ABI3BP: variants seen among roughly 807,000 people sequenced by gnomAD.
ABI3BP encodes the protein ABI family member 3 binding protein, also known as target of Nesh-SH3.
ABI3BP carries 216 observed loss-of-function variants against 268.6 expected under a neutral mutation model. That is an observed-to-expected ratio of 0.80 (90% CI 0.72 to 0.90). ABI3BP has a LOEUF of 0.90. Among genes scored for constraint, ABI3BP ranks in the 40% least tolerant of loss-of-function variants. The pLI is 0.00. For synonymous variants in ABI3BP, 730 were observed against 730.0 expected (o/e 1.00, Z 0.00); for missense variants, 2,090 against 2,182.4 (o/e 0.96, Z 0.84).
Position 100,833,664 on chromosome 3 carries a change from G to C in ABI3BP, c.2282-507C>G, listed in dbSNP as rs529995683. On this transcript the variant is annotated intron_variant, in intron 29 of 67. Coordinates refer to ENST00000471714, the MANE Select transcript of ABI3BP (RefSeq NM_001375547.2). ...AAAGGCATACAAAGAACCAGATATAGAGGGTCATTCAATCCATCAAACTTG... is the reference window on the plus strand; with the variant it reads ...AAAGGCATACAAAGAACCAGATATACAGGGTCATTCAATCCATCAAACTTG... Among the ~76,000 whole-genome samples, 50 of 152,276 alleles carry C rather than the reference G, an allele frequency of 3.3e-4. 1 individual carries two copies. Among genetic ancestry groups the C allele is most frequent in the African/African-American group, 1.2e-3 (49 of 41,572 alleles).
chr3:100,787,405 T>C (rs1577677418), intron 57 of ABI3BP, among the ~76,000 whole-genome samples: 1 of 152,288 alleles, frequency 6.6e-6, no homozygotes, highest in South Asian at 2.1e-4. Flanking sequence ...CTAGTCTGTG[T>C]AGAAAAAGCA....
intron 31 of ABI3BP, 128 bp from the exon 32 acceptor site, chr3:100,830,762 G>A: frequency 1.5e-6 from 1 of 678,206 alleles, no homozygotes; most frequent in Non-Finnish European, 2.4e-6. Flanking sequence ...TAACTCAAAA[G>A]AAAGTGGCTG....
chr3:100,750,618 A>AAT lies in ABI3BP; in HGVS notation c.5246-9_5246-8insAT. ...GAACTGCTCTGAAATAACCTGAGAG[A>AAT]GAAAATAGTTTCATTTTAATAGCTG... is the stretch of plus-strand genomic sequence containing the variant. On this transcript the variant is annotated splice_polypyrimidine_tract_variant and intron_variant, in intron 67 of 67. Coordinates refer to ENST00000471714, the MANE Select transcript of ABI3BP (RefSeq NM_001375547.2). 6.3e-7 allele frequency: 1 copy of AAT among 1,598,210 alleles called. No individual in the cohort carries two copies. Among genetic ancestry groups the AAT allele is most frequent in the East Asian group, 2.2e-5 (1 of 44,678 alleles).
chr3:100,837,403 G>A (rs965213296), intron 26 of ABI3BP: 4 of 431,972 alleles, frequency 9.3e-6, no homozygotes, highest in Non-Finnish European at 1.6e-5. Context: ...TGGATTCTGA[G>A]AACTGTTATA....
chr3:100,755,792 A>G (rs1470707988), intron 63 of ABI3BP, among the ~76,000 whole-genome samples: 5 of 152,228 alleles, frequency 3.3e-5, no homozygotes, highest in Non-Finnish European at 7.3e-5. Context: ...TCAAAAGTCA[A>G]CCTGAGTCAG....
intron 1 of ABI3BP, among the ~76,000 whole-genome samples, chr3:100,971,825 C>G (rs1404301892): frequency 6.6e-6 from 1 of 152,004 alleles, no homozygotes; most frequent in Non-Finnish European, 1.5e-5. Context: ...CCAGCAAAAC[C>G]ACAGCTTTTT....
chr3:100,902,764 A>AGGGAATGCTGAATCAG, intron 2 of ABI3BP, 78 bp from the exon 3 acceptor site: 1 of 1,212,328 alleles, frequency 8.2e-7, no homozygotes. Flanking sequence ...ACCCTGATTC[A>AGGGAATGCTGAATCAG]GCATTCCCTG....
At position 100,804,848 on chromosome 3, in the gene ABI3BP, C is replaced by T. The variant is rs146922324; in HGVS notation, c.3701G>A (p.Arg1234His). The T allele has an allele frequency of 6.6e-5, 107 of 1,612,856 alleles. No individual in the cohort carries two copies. The highest frequency in any genetic ancestry group is 8.1e-5 in the Non-Finnish European group (95 of 1,179,132). The change falls in exon 51 of 68, where the codon CGT (arginine) becomes CAT (histidine). Residue 1234 changes from arginine (R) to histidine (H), a missense_variant. By Grantham distance (29) the Arg-to-His change is conservative (BLOSUM62 0). Coordinates refer to ENST00000471714, the MANE Select transcript of ABI3BP (RefSeq NM_001375547.2). ...TGACGTTTTTGGTTTTGCAGTAACA[C>T]GCTGGGGCACCTTAGGAACTGAAAG... is the stretch of plus-strand genomic sequence containing the variant. Reference protein sequence around the residue: ...QTQPVPKVPQRVTAKPKTSPS... With the variant: ...QTQPVPKVPQHVTAKPKTSPS...
At chr3:100,754,322 T>C (rs2149306223) in intron 64 of ABI3BP, among the ~76,000 whole-genome samples, 1 of 152,348 alleles carries the variant, frequency 6.6e-6, no homozygotes, top group South Asian at 2.1e-4. Context: ...TTTGTGGATG[T>C]ACTCACTGGT....
intron 1 of ABI3BP, among the ~76,000 whole-genome samples, chr3:100,965,641 G>T (rs1489766559): frequency 6.6e-6 from 1 of 152,064 alleles, no homozygotes; most frequent in African/African-American, 2.4e-5. Context: ...TAATCTGGGT[G>T]CTCTGAAGAA....
intron 58 of ABI3BP, 122 bp downstream of exon 58, chr3:100,780,010 T>C (rs1002850835): frequency 1.1e-5 from 9 of 785,416 alleles, no homozygotes; most frequent in Non-Finnish European, 2.0e-5. Flanking sequence ...GCACTGTGTG[T>C]GTGGTTCTGA....
chr3:100,793,189 T>A (rs1452430127), intron 54 of ABI3BP, among the ~76,000 whole-genome samples: 1 of 151,948 alleles, frequency 6.6e-6, no homozygotes, highest in African/African-American at 2.4e-5. Context: ...TATATTTACA[T>A]CACATAAAAC....
intron 2 of ABI3BP, among the ~76,000 whole-genome samples, chr3:100,915,297 G>A (rs2058238466): frequency 6.6e-6 from 1 of 152,266 alleles, no homozygotes; most frequent in East Asian, 1.9e-4. Context: ...ACCTCCAAGG[G>A]ATTGCCATTT....
chr3:100,899,802 CTCTTT>C lies in ABI3BP; in HGVS notation c.329-913_329-909del, dbSNP rs2049363612. Among the ~76,000 whole-genome samples, 4 of 152,260 alleles carry C rather than the reference CTCTTT, an allele frequency of 2.6e-5. No homozygotes were observed. The South Asian group carries it at 6.2e-4, about 24-fold the overall frequency. On this transcript the variant is annotated intron_variant, in intron 3 of 67. Coordinates refer to ENST00000471714, the MANE Select transcript of ABI3BP (RefSeq NM_001375547.2). ...ATACTCTGTATTGCTGTTGAATTCC[CTCTTT>C]TATTTCTTGAGACTATGAATGTTGT...
chr3:100,864,777 A>AGTTTT, intron 11 of ABI3BP, 56 bp downstream of exon 11: 1 of 1,319,388 alleles, frequency 7.6e-7, no homozygotes. Context: ...GAGTCCTGGG[A>AGTTTT]GTTATTTCGT....
chr3:100,943,950 A>T (rs1488519273), intron 1 of ABI3BP, among the ~76,000 whole-genome samples: 2 of 152,142 alleles, frequency 1.3e-5, no homozygotes, highest in Non-Finnish European at 2.9e-5. Flanking sequence ...CCAGGGAAAC[A>T]AAACTATCAA....
intron 35 of ABI3BP, 98 bp downstream of exon 35, chr3:100,825,687 A>G: frequency 1.1e-6 from 1 of 920,908 alleles, no homozygotes; most frequent in Non-Finnish European, 1.7e-6. Context: ...TATTTTGTAG[A>G]GGAAGACATG....
intron 26 of ABI3BP, 77 bp downstream of exon 26, chr3:100,838,133 A>G: frequency 7.1e-7 from 1 of 1,403,062 alleles, no homozygotes; most frequent in Middle Eastern, 1.8e-4. Context: ...TTTATATGAT[A>G]TGACAGATTG....
chr3:100,950,234 T>C (rs2074355096), intron 1 of ABI3BP, among the ~76,000 whole-genome samples: 1 of 152,244 alleles, frequency 6.6e-6, no homozygotes, highest in East Asian at 1.9e-4. Flanking sequence ...AGAGAAAGGA[T>C]ATTCAATTAA....
Sources: gnomAD v4.1 joint callset for allele counts (sites outside exome capture counted in the v4.1 genomes callset) on GRCh38, gnomAD v4.1.1 for gene constraint, MANE v1.5 for transcripts, NCBI Gene and HGNC (gene_info 2026-07-23, HGNC 2026-07-21) for gene names.